Variants in TRAF3 observed in about 807,000 individuals in gnomAD.
The protein encoded by TRAF3 is TNF receptor-associated factor 3.
In TRAF3, 13 loss-of-function variants were observed where a neutral mutation model predicts 62.3. The observed-to-expected ratio is 0.21, with a 90% CI of 0.14 to 0.33. The LOEUF is 0.33. Ranked by LOEUF, TRAF3 falls within the 10% of genes least tolerant of loss-of-function variation. The pLI, the probability that TRAF3 is intolerant of heterozygous loss-of-function variation, is 1.00. For synonymous variants in TRAF3, 269 were observed against 283.4 expected (o/e 0.95, Z 0.51); for missense variants, 440 against 741.8 (o/e 0.59, Z 4.73).
At chr14:102,787,681 TCAAA>T (rs751397520) in intron 1 of TRAF3, among the ~76,000 whole-genome samples, 7 of 152,202 alleles carry the variant, frequency 4.6e-5, no homozygotes, top group South Asian at 2.1e-4. Flanking sequence ...TGAGACTGTC[TCAAA>T]CAACAACAAA....
chr14:102,894,859 G>T (rs746793787), intron 9 of TRAF3, among the ~76,000 whole-genome samples: 6 of 152,060 alleles, frequency 3.9e-5, no homozygotes, highest in Non-Finnish European at 8.8e-5. Context: ...ACCACACCTG[G>T]CTAATTTTTG....
intron 6 of TRAF3, among the ~76,000 whole-genome samples, chr14:102,881,415 AAAAG>A (rs1889057932): frequency 4.6e-5 from 7 of 152,096 alleles, no homozygotes; most frequent in African/African-American, 1.2e-4. Context: ...AAAAAAGAAA[AAAAG>A]GAAGGAGATC....
chr14:102,900,900 G>A (rs1051742565), intron 10 of TRAF3, among the ~76,000 whole-genome samples: 1 of 152,192 alleles, frequency 6.6e-6, no homozygotes, highest in Non-Finnish European at 1.5e-5. Context: ...TTCCATACCT[G>A]CACTTGAGAT....
Position 102,870,212 on chromosome 14 carries a change from G to T in TRAF3, c.11G>T (p.Ser4Ile), listed in dbSNP as rs1369830104. MES[S>I]KKMDSPGALQ... is the part of the protein sequence containing the mutation. ...CTCCTCTTTCCTAAAATGGAGTCGA[G>T]TAAAAAGATGGACTCTCCTGGCGCG... Residue 4 changes from serine to isoleucine, a missense_variant, in exon 3 of 12, where the codon AGT becomes ATT. Physicochemically the swap from Ser to Ile is moderately radical, Grantham distance 142. Coordinates refer to ENST00000392745, the MANE Select transcript of TRAF3 (RefSeq NM_145725.3). 1 of 1,614,136 alleles carries T rather than the reference G, an allele frequency of 6.2e-7. No individual in the cohort carries two copies. The highest frequency in any genetic ancestry group is 1.1e-5 in the South Asian group (1 of 91,080).
chr14:102,868,245 G>C (rs1888119957), intron 2 of TRAF3, among the ~76,000 whole-genome samples: 1 of 152,212 alleles, frequency 6.6e-6, no homozygotes, highest in Non-Finnish European at 1.5e-5. Context: ...AGAAAGGATG[G>C]AGGAGGCATG....
intron 4 of TRAF3, among the ~76,000 whole-genome samples, chr14:102,874,585 G>C (rs1025016293): frequency 2.6e-5 from 4 of 151,862 alleles, no homozygotes; most frequent in Non-Finnish European, 4.4e-5. Flanking sequence ...AAAAGAGTGA[G>C]AATGAGAATA....
intron 1 of TRAF3, among the ~76,000 whole-genome samples, chr14:102,804,182 T>A (rs892957709): frequency 2.6e-5 from 4 of 151,712 alleles, no homozygotes; most frequent in African/African-American, 9.7e-5. Context: ...AGAGTGAGAC[T>A]GTTTAAAAAA....
chr14:102,891,100 C>T (rs938398254), intron 8 of TRAF3, among the ~76,000 whole-genome samples: 1 of 152,234 alleles, frequency 6.6e-6, no homozygotes, highest in Non-Finnish European at 1.5e-5. Context: ...CACTGTGGCA[C>T]TGCAGGGTGC....
intron 2 of TRAF3, among the ~76,000 whole-genome samples, chr14:102,855,056 T>C (rs978624560): frequency 3.3e-5 from 5 of 152,228 alleles, no homozygotes; most frequent in African/African-American, 1.2e-4. Context: ...TGGATTTCCC[T>C]ATTCTGTATG....
chr14:102,845,317 C>G lies in TRAF3; in HGVS notation c.-18+14845C>G, dbSNP rs141294199. On this transcript the variant is annotated intron_variant, in intron 2 of 11. Transcript: ENST00000392745. ...TCCCGGGTTCAAGTGGTTCTCCTGC[C>G]TCAGCCTCCCGGTTAGTTGGGATTA... Among the ~76,000 whole-genome samples, 591 of 151,870 alleles carry G rather than the reference C, an allele frequency of 3.9e-3. 7 individuals carry two copies. The highest frequency in any genetic ancestry group is 0.013 in the African/African-American group (550 of 41,370).
chr14:102,826,793 C>G lies in TRAF3; in HGVS notation c.-156-3541C>G, dbSNP rs1900337751. Among the ~76,000 whole-genome samples the G allele has an allele frequency of 6.6e-6, 1 of 152,178 alleles. No homozygotes were observed. Among genetic ancestry groups the G allele is most frequent in the Non-Finnish European group, 1.5e-5 (1 of 68,024 alleles). On this transcript the variant is annotated intron_variant, in intron 1 of 11. Transcript: ENST00000392745. The surrounding 1 kb of genome is among the most constrained non-coding windows in gnomAD (Gnocchi z 4.6). ...GAGCAGAGGCCGCGTGGACTGTCACCTCTGTCAGGGGTGCCAGGGCTGCCA... is the reference window on the plus strand; with the variant it reads ...GAGCAGAGGCCGCGTGGACTGTCACGTCTGTCAGGGGTGCCAGGGCTGCCA...
At chr14:102,785,905 A>G (rs1338234012) in intron 1 of TRAF3, among the ~76,000 whole-genome samples, 1 of 152,084 alleles carries the variant, frequency 6.6e-6, no homozygotes, top group African/African-American at 2.4e-5. Context: ...TCTTAGACCT[A>G]AGTTGGCCCT....
chr14:102,778,818 ATGGCCAAG>A (rs1897151022), intron 1 of TRAF3, among the ~76,000 whole-genome samples: 1 of 152,172 alleles, frequency 6.6e-6, no homozygotes, highest in Non-Finnish European at 1.5e-5. Flanking sequence ...ACTGTAGGGA[ATGGCCAAG>A]TGGACCATCA....
At chr14:102,882,296 A>G (rs780422721) in intron 6 of TRAF3, among the ~76,000 whole-genome samples, 2 of 152,242 alleles carry the variant, frequency 1.3e-5, no homozygotes, top group Non-Finnish European at 2.9e-5. Flanking sequence ...ATTGCACTTC[A>G]TGCTTGAGAT....
At chr14:102,799,473 C>T (rs906090887) in intron 1 of TRAF3, among the ~76,000 whole-genome samples, 6 of 152,030 alleles carry the variant, frequency 3.9e-5, no homozygotes, top group East Asian at 1.9e-4. Context: ...TTTTTTGAGA[C>T]GGAGTTTCAC....
At chr14:102,853,834 G>A (rs1233795809) in intron 2 of TRAF3, among the ~76,000 whole-genome samples, 6 of 116,824 alleles carry the variant, frequency 5.1e-5, no homozygotes, top group East Asian at 2.3e-4. Context: ...GCAAGACTCC[G>A]TCTAAAAAAA....
chr14:102,905,827 G>A lies in TRAF3; in HGVS notation c.*43G>A, dbSNP rs1214131686. 2 of 1,562,070 alleles carry A rather than the reference G, an allele frequency of 1.3e-6. No individual in the cohort carries two copies. The stretch of plus-strand genomic sequence containing the variant: ...GGATTTAGCAGAAGGCAACTCCTCT[G>A]GGGGATTTGAACCGGTCTGTCTTCA... On this transcript the variant is annotated 3_prime_UTR_variant, in exon 12 of 12. Transcript: ENST00000392745.
At chr14:102,796,079 T>TGGTGTCGGGTGC (rs1832965002) in intron 1 of TRAF3, among the ~76,000 whole-genome samples, 1 of 152,122 alleles carries the variant, frequency 6.6e-6, no homozygotes, top group African/African-American at 2.4e-5. Flanking sequence ...TAGCCGGGTG[T>TGGTGTCGGGTGC]GGTGTCGGGT....
chr14:102,848,154 G>C (rs1215815129), intron 2 of TRAF3, among the ~76,000 whole-genome samples: 1 of 152,214 alleles, frequency 6.6e-6, no homozygotes, highest in Non-Finnish European at 1.5e-5. Context: ...TGAAAGAAAA[G>C]AAATTACTCT....
Sources: gnomAD v4.1 joint callset for allele counts (sites outside exome capture counted in the v4.1 genomes callset) on GRCh38, gnomAD v4.1.1 for gene constraint, Gnocchi (gnomAD v3.1) non-coding constraint, MANE v1.5 for transcripts, NCBI Gene and HGNC (gene_info 2026-07-23, HGNC 2026-07-21) for gene names.